Variants in PTPN14 observed in about 807,000 individuals in gnomAD.
PTPN14 encodes tyrosine-protein phosphatase non-receptor type 14.
PTPN14 carries 53 observed loss-of-function variants against 126.8 expected under a neutral mutation model. The observed-to-expected ratio is 0.42, with a 90% CI of 0.34 to 0.53. The LOEUF is 0.53. Among genes scored for constraint, PTPN14 ranks in the 20% least tolerant of loss-of-function variants. The probability of loss-of-function intolerance (pLI) is 0.08; values close to 1 mark genes in which losing one functional copy is unlikely to be tolerated. For synonymous variants in PTPN14, 630 were observed against 599.3 expected, an observed-to-expected ratio of 1.05 and a Z score of -0.75; for missense variants, 1,257 against 1,552.9, an observed-to-expected ratio of 0.81 and a Z score of 3.20.
chr1:214,463,014 C>T (rs570692780), intron 2 of PTPN14, among the ~76,000 whole-genome samples: 31 of 152,218 alleles, frequency 2.0e-4, no homozygotes, highest in African/African-American at 6.5e-4. Flanking sequence ...AGGAAACTTA[C>T]GCCTCAAAAG....
intron 8 of PTPN14, among the ~76,000 whole-genome samples, chr1:214,396,642 G>A (rs181826988): frequency 6.6e-6 from 1 of 152,136 alleles, no homozygotes; most frequent in African/African-American, 2.4e-5. Context: ...CAAGATAAAT[G>A]AAAAGGTCTG....
chr1:214,415,696 C>CTG (rs780689155), intron 3 of PTPN14, among the ~76,000 whole-genome samples: 2 of 152,140 alleles, frequency 1.3e-5, no homozygotes, highest in Non-Finnish European at 2.9e-5. Flanking sequence ...ATGTCACAGG[C>CTG]ATCATTACAC....
intron 8 of PTPN14, among the ~76,000 whole-genome samples, chr1:214,397,397 G>A (rs1210855532): frequency 6.6e-6 from 1 of 152,146 alleles, no homozygotes; most frequent in Non-Finnish European, 1.5e-5. Flanking sequence ...GAAATGCAGG[G>A]GGGAGATGGC....
intron 3 of PTPN14, 35 bp downstream of exon 3, chr1:214,451,770 C>T: frequency 6.2e-7 from 1 of 1,606,206 alleles, no homozygotes; most frequent in Non-Finnish European, 8.5e-7. Context: ...TTAGTCAACA[C>T]CCTTATATGG....
chr1:214,375,097 C>G (rs1658311652), intron 15 of PTPN14, among the ~76,000 whole-genome samples: 1 of 152,108 alleles, frequency 6.6e-6, no homozygotes, highest in East Asian at 1.9e-4. Context: ...ATGATAGTTA[C>G]TCTTTTATAT....
rs576942589 is a variant in PTPN14, at chr1:214,481,294, G to C, written c.-154-16337C>G. On this transcript the variant is annotated intron_variant, in intron 1 of 18. Transcript: ENST00000366956. The stretch of plus-strand genomic sequence containing the variant: ...GGCCAAGGTGGGCAGATCATCTGAG[G>C]TCAGGAGTTCGAGACCACCATGGCC... Among the ~76,000 whole-genome samples the C allele has an allele frequency of 2.9e-4, 44 of 151,996 alleles. 1 individual carries two copies. The highest frequency in any genetic ancestry group is 7.7e-4 in the African/African-American group (32 of 41,472).
At chr1:214,393,252 G>A (rs1658798844) in intron 10 of PTPN14, among the ~76,000 whole-genome samples, 1 of 152,184 alleles carries the variant, frequency 6.6e-6, no homozygotes. Flanking sequence ...AGGAGCACAC[G>A]CAGGGTTAGC....
At position 214,454,367 on chromosome 1, in the gene PTPN14, T is replaced by C. The variant is rs1384701237; in HGVS notation, c.175-2393A>G. Among the ~76,000 whole-genome samples the C allele has an allele frequency of 5.3e-5, 8 of 152,200 alleles. No individual in the cohort carries two copies. The East Asian group carries it at 1.5e-3, about 29-fold the overall frequency. On this transcript the variant is annotated intron_variant, in intron 2 of 18. Transcript: ENST00000366956. ...CTGCATAAATGTTCTACAATCGATT[T>C]TAAAAAACGGTTAAAATTTTTATTG...
chr1:214,402,282 A>G (rs1417392104), intron 6 of PTPN14, among the ~76,000 whole-genome samples: 2 of 151,712 alleles, frequency 1.3e-5, no homozygotes, highest in Non-Finnish European at 2.9e-5. Context: ...CACTAAAAAT[A>G]CAAAAATTAG....
intron 13 of PTPN14, among the ~76,000 whole-genome samples, chr1:214,381,348 G>T (rs974239968): frequency 2.0e-5 from 3 of 152,210 alleles, no homozygotes; most frequent in African/African-American, 7.2e-5. Flanking sequence ...TGGTCTGGAA[G>T]AAGTATTGAA....
chr1:214,391,023 T>A lies in PTPN14; in HGVS notation c.952A>T (p.Ile318Phe), dbSNP rs756297763. 4.4e-5 allele frequency: 70 copies of A among 1,586,338 alleles called. No individual in the cohort carries two copies. Among genetic ancestry groups the A allele is most frequent in the Non-Finnish European group, 8.6e-7 (1 of 1,161,350 alleles). ...CGGCTCCAGGTGGGCTGGCGTCTGA[T>A]GGGGGGTGGAGAATTTGACTGTCTA... The part of the protein sequence containing the change: ...CTEQSNSPPP[I>F]RRQPTWSRSS... The change falls in exon 11 of 19, where the codon ATC (isoleucine) becomes TTC (phenylalanine). Residue 318 changes from isoleucine to phenylalanine, a missense_variant. Physicochemically the swap from Ile to Phe is conservative, Grantham distance 21. This residue lies in a region of PTPN14 where 1,021 missense variants were observed against 1,183.3 expected (regional missense o/e 0.86). Transcript: ENST00000366956.
At chr1:214,492,749 G>T (rs1661278389) in intron 1 of PTPN14, among the ~76,000 whole-genome samples, 1 of 151,926 alleles carries the variant, frequency 6.6e-6, no homozygotes, top group Admixed American at 6.6e-5. Context: ...CTCGATTAAA[G>T]ATACAAAAAT....
At chr1:214,506,355 A>ATTTT (rs1274959958) in intron 1 of PTPN14, among the ~76,000 whole-genome samples, 1 of 150,618 alleles carries the variant, frequency 6.6e-6, no homozygotes, top group African/African-American at 2.5e-5. Flanking sequence ...TTTTTTTTTA[A>ATTTT]AATTTTTTAA....
rs1005451608 is a variant in PTPN14 at position 214,533,106 on chromosome 1, G to A, written c.-155+18077C>T. The A allele has an allele frequency of 2.9e-5, 21 of 730,176 alleles. No homozygotes were observed. The African/African-American group carries it at 3.1e-4, about 11-fold the overall frequency. 45.2% of individuals were successfully genotyped at this position (730,176 alleles called of 1,614,324 possible). A position where few individuals can be genotyped will look rare whatever the true frequency, so the allele number is the denominator to read the frequency against. ...CGGTCCAGTCCTTGGAGATCGACCTGGACTCCATGAAAAATCTGAAGGCCA... is the reference window on the plus strand; with the variant it reads ...CGGTCCAGTCCTTGGAGATCGACCTAGACTCCATGAAAAATCTGAAGGCCA... On this transcript the variant is annotated intron_variant, in intron 1 of 18. Transcript: ENST00000366956.
At chr1:214,377,393 G>C (rs1354171585) in intron 14 of PTPN14, among the ~76,000 whole-genome samples, 1 of 152,166 alleles carries the variant, frequency 6.6e-6, no homozygotes, top group Non-Finnish European at 1.5e-5. Flanking sequence ...GGTGGAAGGA[G>C]GGAGAGGAGC....
chr1:214,492,719 C>T (rs1250186377), intron 1 of PTPN14, among the ~76,000 whole-genome samples: 1 of 151,930 alleles, frequency 6.6e-6, no homozygotes, highest in African/African-American at 2.4e-5. Context: ...ACCAGCCTGG[C>T]CAACATGGCA....
chr1:214,366,036 G>A (rs1256460836), intron 17 of PTPN14, among the ~76,000 whole-genome samples: 4 of 152,090 alleles, frequency 2.6e-5, no homozygotes, highest in African/African-American at 9.7e-5. Context: ...GTGGTGGCAC[G>A]AGCCTGTAAT....
chr1:214,414,334 T>C (rs1009568291), intron 4 of PTPN14, among the ~76,000 whole-genome samples: 2 of 152,120 alleles, frequency 1.3e-5, no homozygotes, highest in South Asian at 2.1e-4. Flanking sequence ...TCTGAGAAAA[T>C]GTTCCACAAA....
At chr1:214,449,298 G>A (rs1179830335) in intron 3 of PTPN14, among the ~76,000 whole-genome samples, 2 of 152,068 alleles carry the variant, frequency 1.3e-5, no homozygotes, top group Non-Finnish European at 2.9e-5. Context: ...GAGCCACCGC[G>A]CCCGGCCGAC....
Sources: allele counts gnomAD v4.1 joint callset (sites outside exome capture counted in the v4.1 genomes callset), GRCh38; gene constraint gnomAD v4.1.1; regional missense constraint gnomAD v4.1.1; transcripts MANE v1.5; gene names NCBI Gene and HGNC (gene_info 2026-07-23, HGNC 2026-07-21).